The following PCID2 variants were observed in gnomAD, a reference collection of about 807,000 sequenced individuals.
The protein encoded by PCID2 is PCI domain containing 2, also known as PCI domain-containing protein 2.
A neutral mutation model predicts 61.3 loss-of-function variants in PCID2; 41 were observed. That is an observed-to-expected ratio of 0.67 (90% CI 0.52 to 0.87). PCID2 has a LOEUF of 0.87. PCID2 is among the 40% of genes least tolerant of loss of function. PCID2 has a pLI of 0.00. For missense variants in PCID2, 392 were observed against 493.4 expected (o/e 0.79, Z 1.95); for synonymous variants, 187 against 177.8 (o/e 1.05, Z -0.41).
the PCID2 span, among the ~76,000 whole-genome samples, chr13:113,165,740 A>C: frequency 1.3e-5 from 2 of 152,214 alleles, no homozygotes; most frequent in Non-Finnish European, 2.9e-5. Flanking sequence ...CATGTTGGAC[A>C]GGATGGTCTC....
chr13:113,204,931 AC>A (rs1199405156), intron 1 of PCID2, among the ~76,000 whole-genome samples: 2 of 151,934 alleles, frequency 1.3e-5, no homozygotes, highest in Non-Finnish European at 2.9e-5. Flanking sequence ...TCTGAGCGGC[AC>A]CCCCAGGCCT....
At chr13:113,165,004 C>A in the PCID2 span, 2 of 1,559,448 alleles carry the variant, frequency 1.3e-6, no homozygotes, top group East Asian at 2.2e-5. Context: ...GTCCGATATT[C>A]GCTGAGAAGG....
chr13:113,182,294 T>A (rs2037712394), intron 9 of PCID2, among the ~76,000 whole-genome samples: 1 of 152,110 alleles, frequency 6.6e-6, no homozygotes, highest in African/African-American at 2.4e-5. Flanking sequence ...TGAGCGTGAA[T>A]GCTGTGGGGC....
At chr13:113,208,314 G>A (rs2040096809) in intron 1 of PCID2, 12 of 1,432,748 alleles carry the variant, frequency 8.4e-6, no homozygotes, top group South Asian at 5.9e-5. Context: ...GTGCCAGCAA[G>A]TGAGGGCAGC....
intron 9 of PCID2, among the ~76,000 whole-genome samples, chr13:113,182,357 T>A (rs1263970830): frequency 6.6e-6 from 1 of 152,174 alleles, no homozygotes; most frequent in African/African-American, 2.4e-5. Flanking sequence ...CCTGTGGGGC[T>A]GAGACCAAAG....
At chr13:113,178,367 T>C in intron 13 of PCID2, 80 bp from the exon 14 acceptor site, 1 of 1,037,608 alleles carries the variant, frequency 9.6e-7, no homozygotes, top group Non-Finnish European at 1.5e-6. Flanking sequence ...CTAATTAATT[T>C]GGCATTAGCA....
chr13:113,204,178 T>C (rs930020708), intron 1 of PCID2, among the ~76,000 whole-genome samples: 20 of 152,250 alleles, frequency 1.3e-4, no homozygotes, highest in African/African-American at 4.8e-4. Context: ...GGCCTTGCAC[T>C]GGGCCCAGCC....
chr13:113,182,844 G>A (rs1163528745), intron 9 of PCID2, among the ~76,000 whole-genome samples: 1 of 152,074 alleles, frequency 6.6e-6, no homozygotes, highest in Non-Finnish European at 1.5e-5. Context: ...TGTCTTTGAG[G>A]GAACCTAAGT....
In PCID2 at chr13:113,183,172, A is replaced by T. The variant is rs750972322; in HGVS notation, c.685+1174T>A. ...ACACAGAATTACTCAGTAATCTCAG[A>T]GCATCACACTCTCAATGGCTTCCTA... On this transcript the variant is annotated intron_variant, in intron 9 of 13. Transcript: ENST00000337344. 3.0e-4 allele frequency among the ~76,000 whole-genome samples: 45 copies of T among 152,178 alleles called. 1 individual carries two copies. Among genetic ancestry groups the T allele is most frequent in the Admixed American group, 1.3e-4 (2 of 15,268 alleles).
At chr13:113,192,659 A>G (rs1399689384) in intron 6 of PCID2, among the ~76,000 whole-genome samples, 1 of 152,198 alleles carries the variant, frequency 6.6e-6, no homozygotes, top group African/African-American at 2.4e-5. Flanking sequence ...TCCTTACTCC[A>G]AGGCTTTTCT....
At chr13:113,196,055 T>C in intron 5 of PCID2, 126 bp downstream of exon 5, 3 of 704,650 alleles carry the variant, frequency 4.3e-6, no homozygotes, top group Non-Finnish European at 2.6e-6. Context: ...TTACCATATG[T>C]CAACACACTG....
At chr13:113,200,615 T>C in intron 1 of PCID2, 99 bp from the exon 2 acceptor site, 2 of 742,736 alleles carry the variant, frequency 2.7e-6, no homozygotes, top group Non-Finnish European at 2.3e-6. Context: ...GAAAATTCAT[T>C]TTCCCCTACT....
chr13:113,181,059 T>TAA (rs2037591706), intron 10 of PCID2, 71 bp downstream of exon 10: 8 of 1,028,168 alleles, frequency 7.8e-6, no homozygotes, highest in Non-Finnish European at 1.1e-5. Flanking sequence ...TGCTAGGTTT[T>TAA]AAAAAAACCT....
intron 9 of PCID2, among the ~76,000 whole-genome samples, chr13:113,182,243 A>G (rs932901888): frequency 3.3e-5 from 5 of 152,230 alleles, no homozygotes; most frequent in South Asian, 4.1e-4. Flanking sequence ...CTCCTAAACT[A>G]TGTGGCCACA....
intron 13 of PCID2, 91 bp downstream of exon 13, chr13:113,178,875 A>T: frequency 7.4e-7 from 1 of 1,348,068 alleles, no homozygotes; most frequent in Non-Finnish European, 1.0e-6. Flanking sequence ...AAGGCCTTTT[A>T]ACAATTTTAA....
At chr13:113,172,432 T>G in the PCID2 span, 1 of 375,794 alleles carries the variant, frequency 2.7e-6, no homozygotes, top group Non-Finnish European at 5.1e-6. Flanking sequence ...CAGTGTTCCC[T>G]GTGCTCAGGG....
the PCID2 span, among the ~76,000 whole-genome samples, chr13:113,169,784 C>T: frequency 2.0e-5 from 3 of 152,242 alleles, no homozygotes; most frequent in African/African-American, 7.2e-5. Context: ...CCCTCTCACA[C>T]TCTTGGGTGG....
rs1377494029 is a variant in PCID2, at chr13:113,200,577, A to G, written c.37-61T>C. 32 of 1,041,488 alleles carry G rather than the reference A, an allele frequency of 3.1e-5. 1 individual carries two copies. The South Asian group carries it at 3.6e-4, about 12-fold the overall frequency. The allele number at this position is 1,041,488 out of a possible 1,614,324, so 64.5% of individuals were successfully genotyped here. ...AAAATATTCTGTTCGAATAGAACCT[A>G]CAACAATACACTGAATGCCACACAG... On this transcript the variant is annotated intron_variant, in intron 1 of 13. Transcript: ENST00000337344.
At chr13:113,194,923 G>T in intron 6 of PCID2, 148 bp downstream of exon 6, 1 of 650,206 alleles carries the variant, frequency 1.5e-6, no homozygotes, top group Non-Finnish European at 2.8e-6. Flanking sequence ...AGAAAGAATA[G>T]TCAATATCTT....
Sources: gnomAD v4.1 joint callset for allele counts (sites outside exome capture counted in the v4.1 genomes callset) on GRCh38, gnomAD v4.1.1 for gene constraint, MANE v1.5 for transcripts, NCBI Gene and HGNC (gene_info 2026-07-23, HGNC 2026-07-21) for gene names.